CADM2: variants seen among roughly 807,000 people sequenced by gnomAD.
CADM2 encodes the protein cell adhesion molecule 2.
A neutral mutation model predicts 49.8 loss-of-function variants in CADM2; 12 were observed. That is an observed-to-expected ratio of 0.24 (90% CI 0.15 to 0.39). The LOEUF (loss-of-function observed/expected upper bound fraction) is 0.39, where lower values mean the gene tolerates loss of function less well. Ranked by LOEUF, CADM2 falls within the 10% of genes least tolerant of loss-of-function variation. The pLI, the probability that CADM2 is intolerant of heterozygous loss-of-function variation, is 1.00. For missense variants in CADM2, 378 were observed against 492.3 expected (o/e 0.77, Z 2.20); for synonymous variants, 214 against 175.4 (o/e 1.22, Z -1.74).
At position 85,813,835 on chromosome 3, in the gene CADM2, G is replaced by C. The variant is rs2073039330; in HGVS notation, c.238+11639G>C. On this transcript the variant is annotated intron_variant, in intron 3 of 9. Coordinates refer to ENST00000383699, the MANE Select transcript of CADM2 (RefSeq NM_001167675.2). ...GCTTGTTTGTGTCAGGTGTGTCAAA[G>C]ATCAGATGGTTGTGGATATGTGGTG... Among the ~76,000 whole-genome samples, 3 of 152,110 alleles carry C rather than the reference G, an allele frequency of 2.0e-5. No individual in the cohort carries two copies. The South Asian group carries it at 6.2e-4, about 31-fold the overall frequency.
chr3:85,840,131 T>C (rs1024806465), intron 3 of CADM2, among the ~76,000 whole-genome samples: 7 of 151,954 alleles, frequency 4.6e-5, no homozygotes, highest in African/African-American at 1.4e-4. Context: ...TCAATAAATG[T>C]TATCAAGCAT....
At chr3:85,818,626 T>C (rs2073366603) in intron 3 of CADM2, among the ~76,000 whole-genome samples, 1 of 152,200 alleles carries the variant, frequency 6.6e-6, no homozygotes, top group Non-Finnish European at 1.5e-5. Flanking sequence ...ATTTTGCTTC[T>C]GCCATTGAAT....
At chr3:85,154,126 T>C (rs375028310) in intron 1 of CADM2, among the ~76,000 whole-genome samples, 7 of 152,104 alleles carry the variant, frequency 4.6e-5, no homozygotes, top group Admixed American at 1.3e-4. Flanking sequence ...AGGCTTCAGA[T>C]GATCAAATTA....
At chr3:85,814,023 C>G (rs2073050354) in intron 3 of CADM2, among the ~76,000 whole-genome samples, 1 of 152,052 alleles carries the variant, frequency 6.6e-6, no homozygotes, top group South Asian at 2.1e-4. Flanking sequence ...GCTATGCGGG[C>G]TCTTTTTTGG....
intron 3 of CADM2, among the ~76,000 whole-genome samples, chr3:85,853,603 G>T (rs1435392730): frequency 4.0e-5 from 6 of 150,536 alleles, no homozygotes; most frequent in Admixed American, 2.6e-4. Context: ...CTTCGAAAAA[G>T]AGAAAGTGAG....
intron 8 of CADM2, among the ~76,000 whole-genome samples, chr3:86,042,045 A>C (rs968043157): frequency 6.6e-6 from 1 of 152,234 alleles, no homozygotes; most frequent in African/African-American, 2.4e-5. Flanking sequence ...ACAAAGACAC[A>C]ACATACCAGA....
intron 1 of CADM2, among the ~76,000 whole-genome samples, chr3:85,688,403 G>A (rs1404335054): frequency 6.6e-6 from 1 of 151,968 alleles, no homozygotes; most frequent in Non-Finnish European, 1.5e-5. Flanking sequence ...AACCACAATG[G>A]AACATCACTA....
At chr3:85,149,365 T>C (rs956403695) in intron 1 of CADM2, among the ~76,000 whole-genome samples, 2 of 152,134 alleles carry the variant, frequency 1.3e-5, no homozygotes, top group African/African-American at 4.8e-5. Flanking sequence ...TTCAGTTCAT[T>C]ATAAATTACC....
chr3:85,739,725 T>C (rs1296910297), intron 2 of CADM2, among the ~76,000 whole-genome samples: 1 of 152,132 alleles, frequency 6.6e-6, no homozygotes, highest in Non-Finnish European at 1.5e-5. Flanking sequence ...GAGGAAGCAC[T>C]GAAAATAGAT....
intron 1 of CADM2, among the ~76,000 whole-genome samples, chr3:85,196,162 CT>C (rs1425370664): frequency 3.3e-5 from 5 of 151,954 alleles, no homozygotes; most frequent in Admixed American, 2.0e-4. Flanking sequence ...AATTGCCAAA[CT>C]TTTTTCTACC....
At chr3:85,769,634 C>CACATATAT (rs949380773) in intron 2 of CADM2, among the ~76,000 whole-genome samples, 1 of 129,116 alleles carries the variant, frequency 7.7e-6, no homozygotes, top group Non-Finnish European at 1.5e-5. Context: ...TATATATATA[C>CACATATAT]ACATATATAC....
chr3:85,768,742 CACATATATACAT>C (rs2069817523), intron 2 of CADM2, among the ~76,000 whole-genome samples: 2 of 140,972 alleles, frequency 1.4e-5, no homozygotes, highest in East Asian at 4.1e-4. Flanking sequence ...CACATATATA[CACATATATACAT>C]ATATAGTATA....
At chr3:85,667,802 A>T (rs1363191695) in intron 1 of CADM2, among the ~76,000 whole-genome samples, 2 of 152,058 alleles carry the variant, frequency 1.3e-5, no homozygotes, top group African/African-American at 4.8e-5. Context: ...AGTAAGCTTA[A>T]CTCCTTAAAT....
intron 1 of CADM2, among the ~76,000 whole-genome samples, chr3:85,716,754 A>G (rs973747905): frequency 6.6e-6 from 1 of 152,182 alleles, no homozygotes; most frequent in Non-Finnish European, 1.5e-5. Flanking sequence ...TAAATGGGGA[A>G]TCCTTTCCCC....
intron 1 of CADM2, among the ~76,000 whole-genome samples, chr3:85,344,380 A>AAAATAAAT (rs74850280): frequency 0.13 from 17,800 of 140,210 alleles, 1,334 homozygotes; most frequent in East Asian, 0.16. Context: ...ACACCATCTC[A>AAAATAAAT]AAATAAATAA....
intron 1 of CADM2, among the ~76,000 whole-genome samples, chr3:85,094,277 C>A (rs2037710387): frequency 6.6e-6 from 1 of 151,974 alleles, no homozygotes; most frequent in African/African-American, 2.4e-5. Flanking sequence ...ATAATAATTA[C>A]CTAATAAATA....
chr3:85,321,691 C>T (rs1367917800), intron 1 of CADM2, among the ~76,000 whole-genome samples: 4 of 152,094 alleles, frequency 2.6e-5, no homozygotes, highest in Admixed American at 2.6e-4. Context: ...TAATCTGAAC[C>T]ATACTACATA....
chr3:85,474,272 A>G lies in CADM2; in HGVS notation c.62-252250A>G, dbSNP rs959425737. ...AAAGCTGAACTCTGCAGAGTAGGCT[A>G]GAGACCTAGGTAAGTGTTGAAGTTG... On this transcript the variant is annotated intron_variant, in intron 1 of 9. Coordinates refer to ENST00000383699, the MANE Select transcript of CADM2 (RefSeq NM_001167675.2). Among the ~76,000 whole-genome samples the G allele has an allele frequency of 1.4e-4, 21 of 151,912 alleles. No homozygotes were observed. In the South Asian group the frequency reaches 3.7e-3, roughly 27 times the overall value.
intron 1 of CADM2, among the ~76,000 whole-genome samples, chr3:85,666,822 G>A (rs957698977): frequency 6.6e-6 from 1 of 151,848 alleles, no homozygotes; most frequent in African/African-American, 2.4e-5. Context: ...AAAATGGCTG[G>A]GGCAGGAGTT....
Sources: gnomAD v4.1 joint callset for allele counts (sites outside exome capture counted in the v4.1 genomes callset) on GRCh38, gnomAD v4.1.1 for gene constraint, MANE v1.5 for transcripts, NCBI Gene and HGNC (gene_info 2026-07-23, HGNC 2026-07-21) for gene names.